Variants in MTUS1 observed in about 807,000 individuals in gnomAD.
MTUS1 encodes the protein microtubule-associated tumor suppressor 1.
MTUS1 carries 109 observed loss-of-function variants against 120.8 expected under a neutral mutation model. The ratio of observed to expected loss-of-function variants is 0.90; its 90% CI spans 0.77 to 1.06. MTUS1 has a LOEUF of 1.06. MTUS1 is among the 50% of genes least tolerant of loss of function. The pLI is 0.00. For missense variants in MTUS1, 2,210 were observed against 1,486.3 expected, an observed-to-expected ratio of 1.49 and a Z score of -8.01; for synonymous variants, 737 against 550.5, an observed-to-expected ratio of 1.34 and a Z score of -4.74.
intron 1 of MTUS1, chr8:17,770,459 C>T (rs1259210891): frequency 6.6e-6 from 1 of 152,204 alleles, no homozygotes; most frequent in Non-Finnish European, 1.5e-5. Flanking sequence ...AAACCAACTG[C>T]TATCAACTTA....
At chr8:17,800,054 C>T (rs764402240) in intron 1 of MTUS1, among the ~76,000 whole-genome samples, 6 of 152,152 alleles carry the variant, frequency 3.9e-5, no homozygotes, top group Non-Finnish European at 7.4e-5. Flanking sequence ...AAAAAGCAAA[C>T]TGTCTACAGA....
At chr8:17,703,080 G>A (rs773694649) in intron 6 of MTUS1, among the ~76,000 whole-genome samples, 2 of 152,158 alleles carry the variant, frequency 1.3e-5, no homozygotes, top group African/African-American at 2.4e-5. Flanking sequence ...TGAAATCAGT[G>A]CACCTTGAAA....
chr8:17,767,350 T>C (rs1290220418), intron 1 of MTUS1, among the ~76,000 whole-genome samples: 1 of 151,860 alleles, frequency 6.6e-6, no homozygotes, highest in African/African-American at 2.4e-5. Flanking sequence ...ATGTATTGTT[T>C]TTCCATGTGG....
rs754554023 is a variant in MTUS1 at position 17,649,913 on chromosome 8, G to T, written c.3434C>A (p.Ala1145Asp). The T allele has an allele frequency of 6.2e-7, 1 of 1,612,196 alleles. No individual in the cohort carries two copies. Among genetic ancestry groups the T allele is most frequent in the South Asian group, 1.1e-5 (1 of 91,034 alleles). ...YLEQELESLK[A>D]VLEIKNEKLH... ...TTTCTCATTCTTGATCTCTAACACA[G>T]CTTTCAGGCTTTCTAACTCCTGTTC... The change falls in exon 13 of 15, where the codon GCT becomes GAT. Residue 1145 changes from alanine to aspartate, a missense_variant. Ala to Asp is a moderately radical substitution (Grantham distance 126). Coordinates refer to ENST00000693296, the MANE Select transcript of MTUS1 (RefSeq NM_001363059.2).
chr8:17,777,749 T>C (rs188028383), intron 1 of MTUS1, among the ~76,000 whole-genome samples: 10 of 152,290 alleles, frequency 6.6e-5, no homozygotes. Context: ...TTTATGACTT[T>C]CCATTAAGAG....
chr8:17,697,837 T>G (rs1818282383), intron 6 of MTUS1: 2 of 557,576 alleles, frequency 3.6e-6, no homozygotes, highest in Non-Finnish European at 4.6e-6. Context: ...GTTTCTTTCA[T>G]AATTAGAAAA....
At chr8:17,775,035 C>T (rs1219338808) in intron 1 of MTUS1, among the ~76,000 whole-genome samples, 1 of 141,202 alleles carries the variant, frequency 7.1e-6, no homozygotes, top group Non-Finnish European at 1.5e-5. Flanking sequence ...TTACATAAAG[C>T]ACCTGGAGTA....
At chr8:17,647,657 T>C (rs1042165501) in intron 13 of MTUS1, among the ~76,000 whole-genome samples, 3 of 152,164 alleles carry the variant, frequency 2.0e-5, no homozygotes, top group Admixed American at 2.0e-4. Context: ...ACGAGTCTCC[T>C]CAGGTCAGCT....
intron 4 of MTUS1, among the ~76,000 whole-genome samples, chr8:17,720,905 TAAAAG>T (rs1014564324): frequency 1.3e-5 from 2 of 152,136 alleles, no homozygotes; most frequent in African/African-American, 4.8e-5. Context: ...TTTCTACACT[TAAAAG>T]AACACACACA....
intron 2 of MTUS1, among the ~76,000 whole-genome samples, chr8:17,744,795 GGCCTCCCAAA>G (rs1481148730): frequency 6.7e-6 from 1 of 149,622 alleles, no homozygotes; most frequent in Non-Finnish European, 1.5e-5. Context: ...CTGCCGCCTC[GGCCTCCCAAA>G]GGGCTGGGAT....
intron 1 of MTUS1, among the ~76,000 whole-genome samples, chr8:17,787,449 A>G (rs552792746): frequency 6.6e-6 from 1 of 152,326 alleles, no homozygotes; most frequent in East Asian, 1.9e-4. Context: ...ACTCTACTCC[A>G]ATGTGTAATC....
At chr8:17,733,866 G>T (rs2046759322) in intron 3 of MTUS1, among the ~76,000 whole-genome samples, 1 of 152,046 alleles carries the variant, frequency 6.6e-6, no homozygotes, top group African/African-American at 2.4e-5. Flanking sequence ...CAATACATGT[G>T]CATCCTCCTT....
At chr8:17,784,371 C>A (rs1220820222) in intron 1 of MTUS1, among the ~76,000 whole-genome samples, 1 of 149,106 alleles carries the variant, frequency 6.7e-6, no homozygotes, top group Admixed American at 6.7e-5. Context: ...TCTCGGCTCA[C>A]TGCAACCTCC....
chr8:17,756,524 G>A (rs1435857274), intron 1 of MTUS1, among the ~76,000 whole-genome samples: 1 of 151,480 alleles, frequency 6.6e-6, no homozygotes, highest in Non-Finnish European at 1.5e-5. Context: ...TTAAACATAT[G>A]CTATTTCCAA....
At chr8:17,770,045 C>T (rs1375932934) in intron 1 of MTUS1, among the ~76,000 whole-genome samples, 1 of 152,012 alleles carries the variant, frequency 6.6e-6, no homozygotes, top group Non-Finnish European at 1.5e-5. Flanking sequence ...AATTTCCTGC[C>T]GCACTCCATA....
chr8:17,790,538 G>A (rs560174820), intron 1 of MTUS1, among the ~76,000 whole-genome samples: 5 of 152,110 alleles, frequency 3.3e-5, no homozygotes, highest in African/African-American at 4.8e-5. Context: ...TGGAATTCAT[G>A]ATTGTAATGA....
Position 17,654,561 on chromosome 8 carries a change from C to T in MTUS1, c.3214G>A (p.Glu1072Lys). 1 of 1,598,814 alleles carries T rather than the reference C, an allele frequency of 6.3e-7. No homozygotes were observed. The highest frequency in any genetic ancestry group is 8.6e-7 in the Non-Finnish European group (1 of 1,166,260). The change falls in exon 10 of 15, where the codon GAA becomes AAA. Residue 1072 changes from glutamate (E) to lysine (K), a missense_variant and splice_region_variant. Coordinates refer to ENST00000693296, the MANE Select transcript of MTUS1 (RefSeq NM_001363059.2). ...LKKAYEASLS[E>K]IKKGHEIEKK... ...TAAAGAGGAAAAAAAGCATCCTTGC[C>T]TGAAAGGGAGGCTTCATAGGCCTTC... is the stretch of plus-strand genomic sequence containing the variant.
In MTUS1 at chr8:17,769,640, G is replaced by A. The variant is rs919402592; in HGVS notation, c.-154-13679C>T. Among the ~76,000 whole-genome samples the A allele has an allele frequency of 7.2e-5, 11 of 152,052 alleles. No homozygotes were observed. The East Asian group carries it at 7.8e-4, about 11-fold the overall frequency. ...GGGATTACAGGCGTGAGCCACCCGC[G>A]CCCGGCCCTTAGTCAGTAATCTTAA... On this transcript the variant is annotated intron_variant, in intron 1 of 14. Transcript: ENST00000693296.
At chr8:17,694,276 A>G (rs1025231794) in intron 6 of MTUS1, among the ~76,000 whole-genome samples, 5 of 152,196 alleles carry the variant, frequency 3.3e-5, no homozygotes, top group Non-Finnish European at 2.9e-5. Context: ...GACTAGGGTA[A>G]TGGCAGGTGG....
Sources: allele counts gnomAD v4.1 joint callset (sites outside exome capture counted in the v4.1 genomes callset), GRCh38; gene constraint gnomAD v4.1.1; transcripts MANE v1.5; gene names NCBI Gene and HGNC (gene_info 2026-07-23, HGNC 2026-07-21).